The following PHIP variants were observed in gnomAD, a reference collection of about 807,000 sequenced individuals.
PHIP encodes the protein PHIP subunit of CUL4-Ring ligase complex.
A neutral mutation model predicts 236.8 loss-of-function variants in PHIP; 54 were observed. That is an observed-to-expected ratio of 0.23 (90% confidence interval 0.18 to 0.29). The LOEUF is 0.29. Among genes scored for constraint, PHIP ranks in the 10% least tolerant of loss-of-function variants. The pLI is 1.00. For synonymous variants in PHIP, 756 were observed against 718.9 expected (o/e 1.05, Z -0.83); for missense variants, 1,370 against 2,190.8 (o/e 0.63, Z 7.48).
intron 6 of PHIP, among the ~76,000 whole-genome samples, chr6:79,059,626 A>ATATATATATGTAT (rs1562216785): frequency 1.7e-3 from 73 of 43,212 alleles, no homozygotes; most frequent in Non-Finnish European, 3.3e-3. Flanking sequence ...TATATATATA[A>ATATATATATGTAT]AAATGCCAAA....
chr6:79,032,619 CTAATT>C (rs1771729238), intron 7 of PHIP, among the ~76,000 whole-genome samples: 1 of 152,114 alleles, frequency 6.6e-6, no homozygotes, highest in South Asian at 2.1e-4. Context: ...GGCTCCACTA[CTAATT>C]TTAGTTATCT....
intron 39 of PHIP, among the ~76,000 whole-genome samples, chr6:78,943,990 T>TAACAAA (rs1773661384): frequency 2.6e-5 from 2 of 78,144 alleles, no homozygotes; most frequent in Non-Finnish European, 4.5e-5. Context: ...TGTCTTTTTT[T>TAACAAA]AAAAAAAAAA....
At position 78,978,585 on chromosome 6, in the gene PHIP, A is replaced by G; in HGVS notation, c.2889+7T>C. 6.4e-7 allele frequency: 1 copy of G among 1,570,074 alleles called. No individual in the cohort carries two copies. The highest frequency in any genetic ancestry group is 1.2e-5 in the South Asian group (1 of 83,196). On this transcript the variant is annotated splice_region_variant and intron_variant, in intron 24 of 39. Coordinates refer to ENST00000275034, the MANE Select transcript of PHIP (RefSeq NM_017934.7). Reference sequence around the variant, plus strand: ...GAAAAATGGATAATTTAAAACTTTTAAAGTACCTCATCACCCATCTGTGGC... The same window carrying G: ...GAAAAATGGATAATTTAAAACTTTTGAAGTACCTCATCACCCATCTGTGGC...
chr6:78,963,194 TG>T lies in PHIP; in HGVS notation c.3437del (p.Ser1146TyrfsTer2). The T allele has an allele frequency of 6.2e-7, 1 of 1,610,306 alleles. No individual in the cohort carries two copies. On this transcript the variant is annotated frameshift_variant, in exon 30 of 40. Coordinates refer to ENST00000275034, the MANE Select transcript of PHIP (RefSeq NM_017934.7). LOFTEE classifies it high-confidence loss of function. ...CTCCATCAAGAGGTTTATAGATTAG[TG>T]ATCTGCACTCACCATCAGTTAAAGG... ...SVPLTDGECR[S>X]LIYKPLDGEW...
At chr6:79,038,988 T>A (rs1772076814) in intron 7 of PHIP, among the ~76,000 whole-genome samples, 1 of 152,182 alleles carries the variant, frequency 6.6e-6, no homozygotes, top group Admixed American at 6.6e-5. Context: ...ACAAATCCTA[T>A]TTTTAATCTG....
chr6:78,966,426 A>C (rs1004259861), intron 27 of PHIP, among the ~76,000 whole-genome samples: 3 of 152,176 alleles, frequency 2.0e-5, no homozygotes, highest in Non-Finnish European at 4.4e-5. Context: ...ACAATTACTT[A>C]GTCTTTTAAT....
At position 78,940,778 on chromosome 6, in the gene PHIP, T is replaced by C. The variant is rs1478939122; in HGVS notation, c.5381A>G (p.Asp1794Gly). The C allele has an allele frequency of 6.2e-7, 1 of 1,613,716 alleles. No homozygotes were observed. The highest frequency in any genetic ancestry group is 8.5e-7 in the Non-Finnish European group (1 of 1,179,824). ...EEEQRQLLFE[D>G]TSLTFGTSSR... Reference sequence around the variant, plus strand: ...AGAAGTTCCAAAAGTTAAAGAGGTGTCTTCGAACAACAGCTGCCTTTGCTC... The same window carrying C: ...AGAAGTTCCAAAAGTTAAAGAGGTGCCTTCGAACAACAGCTGCCTTTGCTC... The change falls in exon 40 of 40, where the codon GAC becomes GGC. Residue 1794 changes from aspartate (D) to glycine (G), a missense_variant. Transcript: ENST00000275034.
At chr6:78,990,150 T>C (rs1380015142) in intron 20 of PHIP, among the ~76,000 whole-genome samples, 2 of 152,176 alleles carry the variant, frequency 1.3e-5, no homozygotes, top group African/African-American at 4.8e-5. Flanking sequence ...GTTTCAATAA[T>C]TGCTTTAGAT....
chr6:79,004,318 C>A, intron 15 of PHIP: 1 of 689,812 alleles, frequency 1.4e-6, no homozygotes, highest in Non-Finnish European at 1.8e-6. Context: ...CCCTGGTAGT[C>A]TGACTCGTCT....
At position 78,947,689 on chromosome 6, in the gene PHIP, C is replaced by G. The variant is rs758096217; in HGVS notation, c.4140G>C (p.Glu1380Asp). ...AAATAAGTCTGACATCTTTACATAA[C>G]TCCATTGGTGACTCATAATTCCCAG... Reference protein sequence around the residue: ...LEAGNYESPMELCKDVRLIFS... With the variant: ...LEAGNYESPMDLCKDVRLIFS... Residue 1380 changes from glutamate to aspartate, a missense_variant, in exon 36 of 40, where the codon GAG becomes GAC. Around this residue, in one of 14 missense-constraint regions of PHIP, gnomAD observed 125 missense variants for 235.1 expected, o/e 0.53. Transcript: ENST00000275034. The G allele has an allele frequency of 6.5e-7, 1 of 1,547,784 alleles. No individual in the cohort carries two copies. Among genetic ancestry groups the G allele is most frequent in the Non-Finnish European group, 8.9e-7 (1 of 1,120,004 alleles).
chr6:78,970,326 G>T (rs1412870756), intron 25 of PHIP, among the ~76,000 whole-genome samples, 153 bp from the exon 26 acceptor site: 1 of 151,962 alleles, frequency 6.6e-6, no homozygotes, highest in African/African-American at 2.4e-5. Context: ...TCTGTATTAA[G>T]ATTTGTGCAC....
At chr6:78,976,031 G>T (rs1768033146) in intron 24 of PHIP, among the ~76,000 whole-genome samples, 1 of 151,864 alleles carries the variant, frequency 6.6e-6, no homozygotes, top group Non-Finnish European at 1.5e-5. Context: ...CTACTTTAAA[G>T]TTCATATGGA....
intron 23 of PHIP, among the ~76,000 whole-genome samples, chr6:78,980,000 AG>A (rs1474854885): frequency 6.6e-6 from 1 of 152,012 alleles, no homozygotes; most frequent in African/African-American, 2.4e-5. Context: ...CTGGAGAGTT[AG>A]GGTAAAGGTC....
intron 1 of PHIP, 52 bp downstream of exon 1, chr6:79,077,977 A>G: frequency 1.3e-6 from 2 of 1,586,206 alleles, no homozygotes; most frequent in South Asian, 1.1e-5. Context: ...GGGGCGGGGG[A>G]CCGCGGGCGG....
chr6:78,974,562 C>A (rs1288668924), intron 24 of PHIP, among the ~76,000 whole-genome samples: 1 of 151,800 alleles, frequency 6.6e-6, no homozygotes, highest in Non-Finnish European at 1.5e-5. Flanking sequence ...CACAAAAAAC[C>A]CTTCAAAAAA....
chr6:78,959,334 T>C (rs759275163), intron 31 of PHIP, among the ~76,000 whole-genome samples: 16 of 152,084 alleles, frequency 1.1e-4, no homozygotes, highest in Non-Finnish European at 1.6e-4. Context: ...CTGTATCTAA[T>C]TGTGGACATA....
In PHIP at chr6:78,938,307, T is replaced by A. The variant is rs1267805496; in HGVS notation, c.*2386A>T. 1 of 151,644 alleles carries A rather than the reference T, an allele frequency of 6.6e-6. No individual in the cohort carries two copies. Among genetic ancestry groups the A allele is most frequent in the African/African-American group, 2.4e-5 (1 of 41,410 alleles). 9.4% of individuals were successfully genotyped at this position (151,644 alleles called of 1,614,324 possible). On this transcript the variant is annotated 3_prime_UTR_variant, in exon 40 of 40. Transcript: ENST00000275034. ...GTAGAACAGGAATAATACATTTACA[T>A]GTTATAGGAAAGATGGTAAATACTC...
rs78751167 is a variant in PHIP at position 78,969,404 on chromosome 6, A to T, written c.3205+431T>A. 2.4e-3 allele frequency among the ~76,000 whole-genome samples: 361 copies of T among 152,316 alleles called. 1 individual carries two copies. The highest frequency in any genetic ancestry group is 8.3e-3 in the African/African-American group (346 of 41,578). On this transcript the variant is annotated intron_variant, in intron 27 of 39. Transcript: ENST00000275034. ...ACCTTAAGTGCCTGAAAACTTTTAC[A>T]GATTTTAGTTTCTTTGAGACTTGTT...
At chr6:78,977,577 GAAT>G (rs1450082915) in intron 24 of PHIP, among the ~76,000 whole-genome samples, 1 of 136,076 alleles carries the variant, frequency 7.3e-6, no homozygotes, top group African/African-American at 2.6e-5. Flanking sequence ...GAATAGTGCT[GAAT>G]AATGAAGACC....
Sources: gnomAD v4.1 joint callset for allele counts (sites outside exome capture counted in the v4.1 genomes callset) on GRCh38, gnomAD v4.1.1 for gene constraint, gnomAD v4.1.1 regional missense constraint, MANE v1.5 for transcripts, NCBI Gene and HGNC (gene_info 2026-07-23, HGNC 2026-07-21) for gene names.